NBPF11: variants seen among roughly 807,000 people sequenced by gnomAD.
The protein encoded by NBPF11 is NBPF member 11.
In NBPF11, 72 loss-of-function variants were observed where a neutral mutation model predicts 93.9. The observed-to-expected ratio is 0.77, with a 90% CI of 0.63 to 0.93. The LOEUF is 0.93. Ranked by LOEUF, NBPF11 falls within the 40% of genes least tolerant of loss-of-function variation. The pLI is 0.00. For missense variants in NBPF11, 705 were observed against 802.2 expected (o/e 0.88, Z 1.46); for synonymous variants, 224 against 304.9 (o/e 0.73, Z 2.76).
At chr1:148,106,521 C>T (rs1274064273) in intron 20 of NBPF11, among the ~76,000 whole-genome samples, 2 of 138,618 alleles carry the variant, frequency 1.4e-5, no homozygotes, top group African/African-American at 5.9e-5. Flanking sequence ...AAAGAAAATG[C>T]CCCAGAGGAT....
At chr1:148,141,254 A>G (rs1672117906) in intron 2 of NBPF11, among the ~76,000 whole-genome samples, 1 of 152,020 alleles carries the variant, frequency 6.6e-6, no homozygotes, top group Non-Finnish European at 1.5e-5. Flanking sequence ...CAAAACCCAT[A>G]ATCTGTGAAA....
chr1:148,123,337 A>C (rs1291901322), intron 7 of NBPF11, among the ~76,000 whole-genome samples: 63 of 151,750 alleles, frequency 4.2e-4, no homozygotes, highest in African/African-American at 1.5e-3. Flanking sequence ...GCCTTCTCCA[A>C]CACCACACGG....
intron 1 of NBPF11, 30 bp downstream of exon 1, chr1:148,151,720 C>CA (rs1162363767): frequency 6.6e-6 from 1 of 152,670 alleles, no homozygotes; most frequent in Admixed American, 6.5e-5. Flanking sequence ...CCAGACTCAC[C>CA]TCCCGCCCGG....
At chr1:148,139,416 A>G (rs1437091636) in intron 2 of NBPF11, among the ~76,000 whole-genome samples, 1 of 148,114 alleles carries the variant, frequency 6.8e-6, no homozygotes, top group African/African-American at 2.6e-5. Flanking sequence ...TCTGCTTTCC[A>G]AATGTTTATT....
chr1:148,121,183 T>G (rs1300363457), intron 9 of NBPF11, among the ~76,000 whole-genome samples: 1 of 151,528 alleles, frequency 6.6e-6, no homozygotes, highest in East Asian at 1.9e-4. Context: ...CATCTGGGAT[T>G]ACAAGCGCCA....
At chr1:148,118,260 G>A (rs77962526) in intron 11 of NBPF11, among the ~76,000 whole-genome samples, 8 of 151,876 alleles carry the variant, frequency 5.3e-5, no homozygotes, top group Admixed American at 1.3e-4. Context: ...ATGAGAAGCC[G>A]CAGTCAGTCA....
chr1:148,122,169 G>A lies in NBPF11; in HGVS notation c.664C>T (p.Gln222Ter). Residue 222 changes from glutamine (Q) to a stop codon, truncating the protein, a stop_gained, in exon 9 of 24, where the codon CAG becomes TAG. Coordinates refer to ENST00000682118, the MANE Select transcript of NBPF11 (RefSeq NM_001385469.3). LOFTEE classifies it high-confidence loss of function. ...SNSHGPCDSIQPHKNIKITFE... is the reference protein window; with the variant it reads ...SNSHGPCDSI ...GTGATTTTGATGTTCTTGTGAGGCT[G>A]GATGGAGTCACAAGGGCCGTGGCTA... 1 of 1,612,824 alleles carries A rather than the reference G, an allele frequency of 6.2e-7. No individual in the cohort carries two copies.
At chr1:148,136,502 T>C (rs1391358847) in intron 3 of NBPF11, among the ~76,000 whole-genome samples, 7 of 150,028 alleles carry the variant, frequency 4.7e-5, no homozygotes. Context: ...ATAGGAGCCA[T>C]ACGCAAAACA....
chr1:148,144,800 C>T (rs1291508297), intron 1 of NBPF11, among the ~76,000 whole-genome samples: 5,811 of 151,778 alleles, frequency 0.038, 377 homozygotes, highest in African/African-American at 0.13. Flanking sequence ...CAGGAAGACC[C>T]TGTCTACAAA....
At chr1:148,125,308 T>C (rs1571457601) in intron 5 of NBPF11, among the ~76,000 whole-genome samples, 1 of 152,020 alleles carries the variant, frequency 6.6e-6, no homozygotes, top group South Asian at 2.1e-4. Context: ...GGGGCCACTT[T>C]CCCAAGCCTT....
rs1199673572 is a variant in NBPF11 at position 148,118,572 on chromosome 1, G to A, written c.1091+48C>T. On this transcript the variant is annotated intron_variant, in intron 11 of 23. Coordinates refer to ENST00000682118, the MANE Select transcript of NBPF11 (RefSeq NM_001385469.3). ...CTCCCCACTGAGCTACTGTACTTCA[G>A]AGATTTACACACCTGCCCCCCTGCC... 4.5e-6 allele frequency: 7 copies of A among 1,570,310 alleles called. No individual in the cohort carries two copies. The Admixed American group carries it at 1.2e-4, about 26-fold the overall frequency.
intron 4 of NBPF11, among the ~76,000 whole-genome samples, chr1:148,129,012 G>C (rs1350806918): frequency 6.7e-6 from 1 of 148,520 alleles, no homozygotes; most frequent in Non-Finnish European, 1.5e-5. Flanking sequence ...GGTGAGGGCT[G>C]GGGGAGGGAT....
chr1:148,132,721 T>C (rs1446346935), intron 4 of NBPF11, among the ~76,000 whole-genome samples: 1 of 122,512 alleles, frequency 8.2e-6, no homozygotes, highest in Non-Finnish European at 1.7e-5. Context: ...TTGTTGACTT[T>C]CCTTTTTTTT....
At position 148,103,398 on chromosome 1, in the gene NBPF11, C is replaced by T; in HGVS notation, c.*498G>A. On this transcript the variant is annotated 3_prime_UTR_variant, in exon 24 of 24. Coordinates refer to ENST00000682118, the MANE Select transcript of NBPF11 (RefSeq NM_001385469.3). Reference sequence around the variant, plus strand: ...AATCCCTGAGGAATTTTGTAGCTACCCAGAGATACGTGGTTCAAATTAAAA... The same window carrying T: ...AATCCCTGAGGAATTTTGTAGCTACTCAGAGATACGTGGTTCAAATTAAAA... The T allele has an allele frequency of 2.0e-6, 1 of 506,732 alleles. No homozygotes were observed. The highest frequency in any genetic ancestry group is 3.5e-6 in the Non-Finnish European group (1 of 287,802). 31.4% of individuals were successfully genotyped at this position (506,732 alleles called of 1,614,324 possible). A position where few individuals can be genotyped will look rare whatever the true frequency, so the allele number is the denominator to read the frequency against.
At position 148,148,456 on chromosome 1, in the gene NBPF11, C is replaced by A. The variant is rs1220693739; in HGVS notation, c.-549+3294G>T. 2.4e-4 allele frequency among the ~76,000 whole-genome samples: 36 copies of A among 152,152 alleles called. 1 individual carries two copies. Among genetic ancestry groups the A allele is most frequent in the African/African-American group, 8.0e-4 (33 of 41,440 alleles). On this transcript the variant is annotated intron_variant, in intron 1 of 23. Transcript: ENST00000682118. ...GGTGCTGGATCAGCTGGGTCAGGGG[C>A]CGCACACCAATGACCTGGGGGTGAG...
At chr1:148,146,760 G>A (rs1673181002) in intron 1 of NBPF11, 10 of 1,612,948 alleles carry the variant, frequency 6.2e-6, no homozygotes, top group Non-Finnish European at 8.5e-6. Context: ...GCAATGCCGT[G>A]GACCTGGGCC....
intron 4 of NBPF11, among the ~76,000 whole-genome samples, chr1:148,129,245 A>C (rs1669840988): frequency 6.8e-6 from 1 of 147,116 alleles, no homozygotes; most frequent in East Asian, 1.9e-4. Context: ...GTGTATATAC[A>C]TACGTGTATA....
chr1:148,114,302 A>G, intron 15 of NBPF11, 135 bp downstream of exon 15: 1 of 729,000 alleles, frequency 1.4e-6, no homozygotes, highest in Non-Finnish European at 2.5e-6. Flanking sequence ...AATGACATAC[A>G]ACATTGTAAA....
At chr1:148,124,480 A>T (rs1414786006) in intron 6 of NBPF11, among the ~76,000 whole-genome samples, 1 of 150,248 alleles carries the variant, frequency 6.7e-6, no homozygotes, top group Non-Finnish European at 1.5e-5. Flanking sequence ...TGAAAAGACG[A>T]AAGAAGAAAA....
Sources: gnomAD v4.1 joint callset for allele counts (sites outside exome capture counted in the v4.1 genomes callset) on GRCh38, gnomAD v4.1.1 for gene constraint, MANE v1.5 for transcripts, NCBI Gene and HGNC (gene_info 2026-07-23, HGNC 2026-07-21) for gene names.